ANO4: variants seen among roughly 807,000 people sequenced by gnomAD.
ANO4 encodes the protein anoctamin 4.
A neutral mutation model predicts 141.9 loss-of-function variants in ANO4; 69 were observed. That is an observed-to-expected ratio of 0.49 (90% confidence interval 0.40 to 0.59). The LOEUF (loss-of-function observed/expected upper bound fraction) is 0.59. Ranked by LOEUF, ANO4 falls within the 20% of genes least tolerant of loss-of-function variation. The pLI is 0.00. For missense variants in ANO4, 894 were observed against 1,162.2 expected (o/e 0.77, Z 3.36); for synonymous variants, 350 against 394.3 (o/e 0.89, Z 1.33).
chr12:100,795,211 C>CT (rs765161098), intron 1 of ANO4, among the ~76,000 whole-genome samples, 184 bp downstream of exon 1: 1 of 152,204 alleles, frequency 6.6e-6, no homozygotes, highest in South Asian at 2.1e-4. Flanking sequence ...GTCTTTTTAT[C>CT]TTTTTTCCAT....
chr12:100,790,784 A>G (rs918645356), upstream of ANO4, among the ~76,000 whole-genome samples: 5 of 152,190 alleles, frequency 3.3e-5, no homozygotes, highest in Non-Finnish European at 5.9e-5. Context: ...GGATGCTCTC[A>G]TTATATTTAT....
intron 2 of ANO4, among the ~76,000 whole-genome samples, chr12:100,738,338 G>T (rs1177050822): frequency 6.6e-6 from 1 of 152,116 alleles, no homozygotes; most frequent in African/African-American, 2.4e-5. Context: ...TGGCTTCATT[G>T]TTGCTTTTAA....
intron 14 of ANO4, among the ~76,000 whole-genome samples, chr12:101,072,346 A>G (rs1299010831): frequency 6.6e-6 from 1 of 152,206 alleles, no homozygotes; most frequent in Non-Finnish European, 1.5e-5. Context: ...TTGTGGACAC[A>G]TCTGAGATAA....
rs36028810 is a variant in ANO4 at position 100,801,500 on chromosome 12, AT to A, written c.-141+6488del. 2.4e-3 allele frequency among the ~76,000 whole-genome samples: 349 copies of A among 147,328 alleles called. 2 individuals carry two copies. In the East Asian group the frequency reaches 0.027, roughly 11 times the overall value. On this transcript the variant is annotated intron_variant, in intron 1 of 27. Coordinates refer to ENST00000392977, the MANE Select transcript of ANO4 (RefSeq NM_001286615.2). The stretch of plus-strand genomic sequence containing the variant: ...TGCATTAAGTACCAAGGAATGAAAG[AT>A]TTTTTTTTTTTTTTAAAAGCACAAT...
chr12:100,872,833 G>A (rs537207176), intron 1 of ANO4, among the ~76,000 whole-genome samples: 6 of 152,310 alleles, frequency 3.9e-5, no homozygotes, highest in Non-Finnish European at 7.4e-5. Context: ...CTATCCTGAT[G>A]TGGTTTGGAT....
At chr12:101,040,397 G>T (rs545211678) in intron 11 of ANO4, among the ~76,000 whole-genome samples, 3 of 152,186 alleles carry the variant, frequency 2.0e-5, no homozygotes, top group African/African-American at 4.8e-5. Flanking sequence ...AAACCATCTT[G>T]TACAAAGGTA....
intron 1 of ANO4, among the ~76,000 whole-genome samples, chr12:100,864,025 G>T (rs1430054364): frequency 6.6e-6 from 1 of 152,158 alleles, no homozygotes. Flanking sequence ...TTTTCCATCT[G>T]TTTTCCTCTG....
At chr12:100,833,778 C>T (rs1401457374) in intron 1 of ANO4, among the ~76,000 whole-genome samples, 1 of 152,030 alleles carries the variant, frequency 6.6e-6, no homozygotes, top group Non-Finnish European at 1.5e-5. Context: ...CTCATCCTTC[C>T]CCACCCATCC....
At position 101,033,797 on chromosome 12, in the gene ANO4, G is replaced by GA. The variant is rs1467110549; in HGVS notation, c.842-3292dup. 4.0e-5 allele frequency among the ~76,000 whole-genome samples: 6 copies of GA among 151,874 alleles called. 1 individual carries two copies. Among genetic ancestry groups the GA allele is most frequent in the African/African-American group, 1.4e-4 (6 of 41,474 alleles). Reference sequence around the variant, plus strand: ...AAGCAACTTAAAGAAATTTACAAGAGAAAAAACAACCCCATGAAAAAGTGG... The same window carrying GA: ...AAGCAACTTAAAGAAATTTACAAGAGAAAAAAACAACCCCATGAAAAAGTGG... On this transcript the variant is annotated intron_variant, in intron 9 of 27. Transcript: ENST00000392977.
intron 3 of ANO4, among the ~76,000 whole-genome samples, chr12:100,781,030 A>G (rs918854149): frequency 6.6e-6 from 1 of 152,224 alleles, no homozygotes; most frequent in Non-Finnish European, 1.5e-5. Context: ...AATTAAATAT[A>G]TGAACACAGT....
In ANO4 at chr12:101,121,872, C is replaced by G. The variant is rs563435835; in HGVS notation, c.2676+1247C>G. Among the ~76,000 whole-genome samples, 3 of 149,850 alleles carry G rather than the reference C, an allele frequency of 2.0e-5. No homozygotes were observed. In the South Asian group the frequency reaches 6.5e-4, roughly 32 times the overall value. Reference sequence around the variant, plus strand: ...CTGCCTCCCAGGTTCAAGTAATTCTCTGCCTCAGCCTCCTGAGTAGGTGGG... The same window carrying G: ...CTGCCTCCCAGGTTCAAGTAATTCTGTGCCTCAGCCTCCTGAGTAGGTGGG... On this transcript the variant is annotated intron_variant, in intron 26 of 27. Transcript: ENST00000392977.
At chr12:100,925,916 T>A (rs926669346) in intron 3 of ANO4, among the ~76,000 whole-genome samples, 2 of 151,716 alleles carry the variant, frequency 1.3e-5, no homozygotes, top group Non-Finnish European at 2.9e-5. Flanking sequence ...CATGCTTACA[T>A]GTGTGTATTT....
At position 100,806,524 on chromosome 12, in the gene ANO4, G is replaced by GTTTTTTTTTTTTTTTTTTTTTTTTTTT. The variant is rs763949654; in HGVS notation, c.-141+11507_-141+11533dup. On this transcript the variant is annotated intron_variant, in intron 1 of 27. Coordinates refer to ENST00000392977, the MANE Select transcript of ANO4 (RefSeq NM_001286615.2). ...TTTTAGGAGGTTTTTTTTTTGTTTCGTTTTTTTTTTTTTTTTTTTTTTTTT... is the reference window on the plus strand; with the variant it reads ...TTTTAGGAGGTTTTTTTTTTGTTTCGTTTTTTTTTTTTTTTTTTTTTTTTTTTTTTTTTTTTTTTTTTTTTTTTTTTT... 1.0e-3 allele frequency among the ~76,000 whole-genome samples: 62 copies of GTTTTTTTTTTTTTTTTTTTTTTTTTTT among 59,876 alleles called. 18 individuals carry two copies. The highest frequency in any genetic ancestry group is 1.7e-3 in the Non-Finnish European group (52 of 30,960). The allele number at this position is 59,876 out of a possible 152,430, so 39.3% of individuals were successfully genotyped here. A position where few individuals can be genotyped will look rare whatever the true frequency, so the allele number is the denominator to read the frequency against.
chr12:100,938,192 C>T (rs1184522503), intron 3 of ANO4, among the ~76,000 whole-genome samples: 1 of 152,222 alleles, frequency 6.6e-6, no homozygotes, highest in Non-Finnish European at 1.5e-5. Context: ...GTCATCTCAT[C>T]TACGTAGATC....
At chr12:101,003,146 C>T (rs1566113874) in intron 8 of ANO4, among the ~76,000 whole-genome samples, 2 of 152,206 alleles carry the variant, frequency 1.3e-5, no homozygotes, top group African/African-American at 2.4e-5. Context: ...CTGTGTCAGC[C>T]AGGTTCTGCT....
At chr12:100,999,826 C>G (rs1271038558) in intron 8 of ANO4, among the ~76,000 whole-genome samples, 3 of 151,690 alleles carry the variant, frequency 2.0e-5, no homozygotes, top group Non-Finnish European at 4.4e-5. Flanking sequence ...AGGCAGATTG[C>G]TTGCAGCCAG....
chr12:100,749,988 G>GGTTCA (rs2032299196), intron 3 of ANO4, among the ~76,000 whole-genome samples: 1 of 152,176 alleles, frequency 6.6e-6, no homozygotes, highest in South Asian at 2.1e-4. Context: ...GTTAAAATAT[G>GGTTCA]ATACTGAAGC....
chr12:100,947,854 G>T (rs1016269031), intron 5 of ANO4, among the ~76,000 whole-genome samples: 1 of 152,066 alleles, frequency 6.6e-6, no homozygotes, highest in African/African-American at 2.4e-5. Flanking sequence ...ATATTGTGTT[G>T]ATTTCTGGTA....
chr12:101,094,332 G>T, intron 18 of ANO4, 40 bp downstream of exon 18: 1 of 1,536,928 alleles, frequency 6.5e-7, no homozygotes, highest in South Asian at 1.2e-5. Context: ...CTGTACTGTG[G>T]GCTAGAGAGT....
Sources: allele counts gnomAD v4.1 joint callset (sites outside exome capture counted in the v4.1 genomes callset), GRCh38; gene constraint gnomAD v4.1.1; transcripts MANE v1.5; gene names NCBI Gene and HGNC (gene_info 2026-07-23, HGNC 2026-07-21).